MAN2B1: variants seen among roughly 807,000 people sequenced by gnomAD.
The protein encoded by MAN2B1 is mannosidase alpha class 2B member 1.
A neutral mutation model predicts 127.5 loss-of-function variants in MAN2B1; 99 were observed. That is an observed-to-expected ratio of 0.78 (90% CI 0.66 to 0.92). MAN2B1 has a LOEUF of 0.92. MAN2B1 is among the 40% of genes least tolerant of loss of function. The probability of loss-of-function intolerance (pLI) is 0.00; values close to 1 mark genes in which losing one functional copy is unlikely to be tolerated. For synonymous variants in MAN2B1, 573 were observed against 568.8 expected (o/e 1.01, Z -0.11); for missense variants, 1,304 against 1,384.8 (o/e 0.94, Z 0.93).
chr19:12,665,001 C>T lies in MAN2B1; in HGVS notation c.437-16G>A. 1 of 1,611,592 alleles carries T rather than the reference C, an allele frequency of 6.2e-7. No homozygotes were observed. Among genetic ancestry groups the T allele is most frequent in the Non-Finnish European group, 8.5e-7 (1 of 1,179,626 alleles). On this transcript the variant is annotated splice_polypyrimidine_tract_variant and intron_variant, in intron 3 of 23. Coordinates refer to ENST00000456935, the MANE Select transcript of MAN2B1 (RefSeq NM_000528.4). ...TCCAGGCGCCCTGTGCCAGGACAGG[C>T]AAGGTCAGGGTCAGCGGTCAGAGCC...
chr19:12,661,506 G>A (rs975017029), intron 6 of MAN2B1, 130 bp from the exon 7 acceptor site: 40 of 741,984 alleles, frequency 5.4e-5, no homozygotes, highest in East Asian at 4.5e-4. Context: ...ACTTGGGAGC[G>A]TGGGGACACA....
At position 12,647,065 on chromosome 19, in the gene MAN2B1, G is replaced by A. The variant is rs1568296839; in HGVS notation, c.2923+168C>T. ...AAACCTCAAGACCCATTCCTGGTTT[G>A]CCGCACCCATTTCAGATCCTTTAAG... On this transcript the variant is annotated intron_variant, in intron 23 of 23. Coordinates refer to ENST00000456935, the MANE Select transcript of MAN2B1 (RefSeq NM_000528.4). This position sits in a 1 kb window ranked among gnomAD's most constrained non-coding sequence, Gnocchi z 4.9. The A allele has an allele frequency of 6.1e-6, 4 of 656,730 alleles. No homozygotes were observed. Among genetic ancestry groups the A allele is most frequent in the Middle Eastern group, 4.2e-4 (1 of 2,394 alleles). 40.7% of individuals were successfully genotyped at this position (656,730 alleles called of 1,614,324 possible).
intron 14 of MAN2B1, among the ~76,000 whole-genome samples, chr19:12,655,086 C>T (rs1178744933): frequency 6.6e-6 from 1 of 152,176 alleles, no homozygotes. Context: ...CCCATCTGGG[C>T]CTCCCAATTA....
chr19:12,660,776 T>TTTTTTTA (rs2024084314), intron 7 of MAN2B1: 2 of 120,836 alleles, frequency 1.7e-5, no homozygotes, highest in African/African-American at 6.8e-5. Context: ...TTTTTTTTTT[T>TTTTTTTA]GAGACAGAGT....
chr19:12,648,242 G>T lies in MAN2B1; in HGVS notation c.2597C>A (p.Ala866Asp). The change falls in exon 21 of 24, where the codon GCC becomes GAC. Residue 866 changes from alanine (A) to aspartate (D), a missense_variant. Physicochemically the swap from Ala to Asp is moderately radical, Grantham distance 126 (BLOSUM62 -2). Coordinates refer to ENST00000456935, the MANE Select transcript of MAN2B1 (RefSeq NM_000528.4). Reference sequence around the variant, plus strand: ...ACCCGGGGCCAGCACCACCTGAGGGGCCAGGACCTCCTGCTCCGCCAGGAG... The same window carrying T: ...ACCCGGGGCCAGCACCACCTGAGGGTCCAGGACCTCCTGCTCCGCCAGGAG... ...HRLLAEQEVL[A>D]PQVVLAPGGG... 1 of 1,595,676 alleles carries T rather than the reference G, an allele frequency of 6.3e-7. No homozygotes were observed. The highest frequency in any genetic ancestry group is 8.5e-7 in the Non-Finnish European group (1 of 1,175,294).
At chr19:12,663,145 C>T (rs972891655) in intron 6 of MAN2B1, among the ~76,000 whole-genome samples, 172 bp downstream of exon 6, 3 of 151,208 alleles carry the variant, frequency 2.0e-5, no homozygotes, top group African/African-American at 4.9e-5. Context: ...ACCCAGGAGG[C>T]AGAGGTTGCA....
Position 12,658,224 on chromosome 19 carries a change from C to G in MAN2B1, c.1230G>C (p.Gln410His), listed in dbSNP as rs563097824. The change falls in exon 9 of 24, where the codon CAG (glutamine) becomes CAC (histidine). Residue 410 changes from glutamine to histidine, a missense_variant and splice_region_variant. By Grantham distance (24) the Gln-to-His change is conservative. Transcript: ENST00000456935. Reference sequence around the variant, plus strand: ...CCCCTCTAGCCCGGCTCCTACCCACCTGCAGGAAGTTGTAGCTGAGGCGCT... The same window carrying G: ...CCCCTCTAGCCCGGCTCCTACCCACGTGCAGGAAGTTGTAGCTGAGGCGCT... ...RYERLSYNFL[Q>H]VCNQLEALVG... The G allele has an allele frequency of 2.3e-5, 37 of 1,614,040 alleles. No homozygotes were observed. Among genetic ancestry groups the G allele is most frequent in the South Asian group, 1.9e-4 (17 of 91,082 alleles).
intron 14 of MAN2B1, among the ~76,000 whole-genome samples, chr19:12,654,421 G>A (rs1380789237): frequency 2.0e-5 from 3 of 152,000 alleles, no homozygotes; most frequent in Admixed American, 1.3e-4. Context: ...CCAGGTCCCT[G>A]CACTTCCACA....
chr19:12,648,457 G>C, intron 20 of MAN2B1, 55 bp from the exon 21 acceptor site: 3 of 1,365,478 alleles, frequency 2.2e-6, no homozygotes, highest in Non-Finnish European at 3.1e-6. Context: ...GGGTGTCCTT[G>C]GGCCAGAAAC....
intron 12 of MAN2B1, 108 bp from the exon 13 acceptor site, chr19:12,656,795 T>G: frequency 9.2e-7 from 1 of 1,081,126 alleles, no homozygotes; most frequent in Non-Finnish European, 1.4e-6. Flanking sequence ...TCACGGCACT[T>G]AAGGCCAAGC....
At chr19:12,656,175 G>A (rs1440915120) in intron 13 of MAN2B1, 5 of 457,224 alleles carry the variant, frequency 1.1e-5, no homozygotes, top group Admixed American at 3.8e-5. Flanking sequence ...GGGGGAGGAC[G>A]TTTTCTGGAA....
At chr19:12,666,027 G>A (rs1281142338) in intron 1 of MAN2B1, among the ~76,000 whole-genome samples, 13 of 152,118 alleles carry the variant, frequency 8.5e-5, no homozygotes, top group Admixed American at 8.5e-4. Context: ...TTCACACTCC[G>A]GGAAAATAAT....
chr19:12,659,794 G>A (rs923016564), intron 7 of MAN2B1, among the ~76,000 whole-genome samples: 22 of 146,544 alleles, frequency 1.5e-4, no homozygotes, highest in African/African-American at 5.7e-4. Flanking sequence ...ACTCCAGCCT[G>A]GGTGACAAAG....
Position 12,665,813 on chromosome 19 carries a change from G to A in MAN2B1, c.160-8C>T. Reference sequence around the variant, plus strand: ...CTGCACTGTGGGGCATGTCTGCACAGGGACCCCAAACACACATACCTTGTC... The same window carrying A: ...CTGCACTGTGGGGCATGTCTGCACAAGGACCCCAAACACACATACCTTGTC... On this transcript the variant is annotated splice_region_variant and splice_polypyrimidine_tract_variant and intron_variant, in intron 1 of 23. Coordinates refer to ENST00000456935, the MANE Select transcript of MAN2B1 (RefSeq NM_000528.4). 6.2e-7 allele frequency: 1 copy of A among 1,610,226 alleles called. No homozygotes were observed. The highest frequency in any genetic ancestry group is 8.5e-7 in the Non-Finnish European group (1 of 1,177,196).
At chr19:12,655,969 T>A in intron 13 of MAN2B1, 90 bp from the exon 14 acceptor site, 1 of 1,011,158 alleles carries the variant, frequency 9.9e-7, no homozygotes, top group Non-Finnish European at 1.5e-6. Flanking sequence ...AGGAAAAGAG[T>A]CCTGAGATGG....
At chr19:12,658,846 G>A in intron 7 of MAN2B1, 3 of 360,194 alleles carry the variant, frequency 8.3e-6, no homozygotes, top group Non-Finnish European at 1.6e-5. Flanking sequence ...CTGTCAGATT[G>A]TTACCAAAAA....
chr19:12,649,554 T>A, intron 18 of MAN2B1, 126 bp from the exon 19 acceptor site: 1 of 661,960 alleles, frequency 1.5e-6, no homozygotes, highest in Non-Finnish European at 2.6e-6. Context: ...CGATCTCGGC[T>A]CACTGCAAGC....
At chr19:12,651,845 C>A (rs1474006881) in intron 16 of MAN2B1, among the ~76,000 whole-genome samples, 1 of 152,198 alleles carries the variant, frequency 6.6e-6, no homozygotes, top group Non-Finnish European at 1.5e-5. Context: ...TTTGGCTCTC[C>A]TGATTCATGG....
intron 18 of MAN2B1, 49 bp from the exon 19 acceptor site, chr19:12,649,477 CTTT>C (rs36018312): frequency 0.021 from 8,856 of 413,228 alleles, 111 homozygotes; most frequent in Middle Eastern, 0.03. Context: ...CTCCCCAACT[CTTT>C]TTTTTTTTTT....
Sources: allele counts gnomAD v4.1 joint callset (sites outside exome capture counted in the v4.1 genomes callset), GRCh38; gene constraint gnomAD v4.1.1; non-coding constraint Gnocchi (gnomAD v3.1); transcripts MANE v1.5; gene names NCBI Gene and HGNC (gene_info 2026-07-23, HGNC 2026-07-21).